The following RIMS4 variants were observed in gnomAD, a reference collection of about 807,000 sequenced individuals.
The protein encoded by RIMS4 is regulating synaptic membrane exocytosis protein 4.
A neutral mutation model predicts 29.0 loss-of-function variants in RIMS4; 9 were observed. That is an observed-to-expected ratio of 0.31 (90% CI 0.19 to 0.54). RIMS4 has a LOEUF of 0.54. Ranked by LOEUF, RIMS4 falls within the 20% of genes least tolerant of loss-of-function variation. The pLI is 0.94. For synonymous variants in RIMS4, 130 were observed against 152.9 expected (o/e 0.85, Z 1.10); for missense variants, 193 against 365.7 (o/e 0.53, Z 3.85).
At chr20:44,785,208 T>C (rs1295770053) in intron 1 of RIMS4, among the ~76,000 whole-genome samples, 1 of 151,984 alleles carries the variant, frequency 6.6e-6, no homozygotes, top group Non-Finnish European at 1.5e-5. Flanking sequence ...CTGCAATCCC[T>C]GGATTAAAAG....
In RIMS4 at chr20:44,752,439, C is replaced by T. The variant is rs1255094675; in HGVS notation, c.*3695G>A. On this transcript the variant is annotated 3_prime_UTR_variant, in exon 6 of 6. Coordinates refer to ENST00000372851, the MANE Select transcript of RIMS4 (RefSeq NM_182970.4). ...AAGTACATAACCACCCCCTAAGCCA[C>T]CTGCTCCACCTCTGGGTGTAAAAGA... 3.3e-5 allele frequency: 5 copies of T among 152,280 alleles called. No individual in the cohort carries two copies. Among genetic ancestry groups the T allele is most frequent in the Non-Finnish European group, 7.3e-5 (5 of 68,108 alleles). 9.4% of individuals were successfully genotyped at this position (152,280 alleles called of 1,614,324 possible).
Position 44,754,803 on chromosome 20 carries a change from G to A in RIMS4, c.*1331C>T, listed in dbSNP as rs1200690853. 1 of 152,656 alleles carries A rather than the reference G, an allele frequency of 6.6e-6. No individual in the cohort carries two copies. The highest frequency in any genetic ancestry group is 1.5e-5 in the Non-Finnish European group (1 of 68,100). 9.5% of individuals were successfully genotyped at this position (152,656 alleles called of 1,614,324 possible). ...GGGCTTGGAGCACTAACTCTACCTA[G>A]CTAACCTGGACTACGCCCTACACAG... On this transcript the variant is annotated 3_prime_UTR_variant, in exon 6 of 6. Coordinates refer to ENST00000372851, the MANE Select transcript of RIMS4 (RefSeq NM_182970.4).
chr20:44,772,967 T>G (rs967900077), intron 1 of RIMS4, among the ~76,000 whole-genome samples: 8 of 152,084 alleles, frequency 5.3e-5, no homozygotes, highest in South Asian at 2.1e-4. Flanking sequence ...CACACACACA[T>G]GCATGCGTAG....
intron 2 of RIMS4, among the ~76,000 whole-genome samples, chr20:44,761,619 T>C (rs2066085496): frequency 6.6e-6 from 1 of 152,194 alleles, no homozygotes; most frequent in South Asian, 2.1e-4. Context: ...GTAGCAGGCT[T>C]GATGACGCAT....
At chr20:44,761,821 T>C (rs969772592) in intron 2 of RIMS4, among the ~76,000 whole-genome samples, 2 of 152,316 alleles carry the variant, frequency 1.3e-5, no homozygotes, top group Middle Eastern at 3.4e-3. Context: ...TCTATTATCT[T>C]AACAATTATG....
At chr20:44,789,463 A>AT (rs1390752166) in intron 1 of RIMS4, among the ~76,000 whole-genome samples, 1 of 151,880 alleles carries the variant, frequency 6.6e-6, no homozygotes, top group African/African-American at 2.4e-5. Flanking sequence ...CACCCGGCTA[A>AT]TTTTTTGTAT....
intron 1 of RIMS4, among the ~76,000 whole-genome samples, chr20:44,783,519 G>A (rs1291966002): frequency 6.6e-6 from 1 of 152,034 alleles, no homozygotes; most frequent in Non-Finnish European, 1.5e-5. Flanking sequence ...AGCTACTCAG[G>A]AGGCTGAGGC....
At chr20:44,787,284 A>G (rs113004636) in intron 1 of RIMS4, among the ~76,000 whole-genome samples, 48 of 152,270 alleles carry the variant, frequency 3.2e-4, no homozygotes, top group African/African-American at 1.1e-3. Flanking sequence ...AAGCTGGCAT[A>G]CAATTGATGG....
At chr20:44,809,275 C>T (rs1182705065) in intron 1 of RIMS4, among the ~76,000 whole-genome samples, 1 of 152,158 alleles carries the variant, frequency 6.6e-6, no homozygotes, top group Non-Finnish European at 1.5e-5. Context: ...GCTACCCCAC[C>T]TGTTGGTGGA....
At chr20:44,796,748 G>A (rs2066256863) in intron 1 of RIMS4, among the ~76,000 whole-genome samples, 1 of 152,196 alleles carries the variant, frequency 6.6e-6, no homozygotes, top group South Asian at 2.1e-4. Flanking sequence ...AGGCATGGAG[G>A]GAGAAAACTC....
chr20:44,757,325 C>A (rs2066064977), intron 4 of RIMS4, among the ~76,000 whole-genome samples: 1 of 151,984 alleles, frequency 6.6e-6, no homozygotes, highest in Admixed American at 6.5e-5. Context: ...GTGCCCACCC[C>A]CTCCCTGGCT....
chr20:44,804,587 A>T (rs1270324925), intron 1 of RIMS4, among the ~76,000 whole-genome samples: 4 of 152,248 alleles, frequency 2.6e-5, no homozygotes, highest in African/African-American at 9.6e-5. Context: ...TCCCTCAGAC[A>T]GACAAGAGGG....
At chr20:44,767,802 T>C (rs2066120254) in intron 2 of RIMS4, among the ~76,000 whole-genome samples, 2 of 152,234 alleles carry the variant, frequency 1.3e-5, no homozygotes, top group Admixed American at 1.3e-4. Flanking sequence ...CAGCACAGTG[T>C]CTGCACATAG....
rs2066136358 is a variant in RIMS4, at chr20:44,771,318, C to T, written c.193G>A (p.Glu65Lys). Reference sequence around the variant, plus strand: ...CTGTTCATGCTGTCCTCAATGGACTCGTGGCTGGCCTGGCGCAGTGTCCGG... The same window carrying T: ...CTGTTCATGCTGTCCTCAATGGACTTGTGGCTGGCCTGGCGCAGTGTCCGG... ...PSRTLRQASH[E>K]SIEDSMNSYG... is the part of the protein sequence containing the mutation. Residue 65 changes from glutamate (E) to lysine (K), a missense_variant, in exon 2 of 6, where the codon GAG (glutamate) becomes AAG (lysine). Glu to Lys is a moderately conservative substitution (Grantham distance 56). Transcript: ENST00000372851. The T allele has an allele frequency of 6.2e-7, 1 of 1,613,954 alleles. No individual in the cohort carries two copies. The highest frequency in any genetic ancestry group is 8.5e-7 in the Non-Finnish European group (1 of 1,179,858).
intron 1 of RIMS4, among the ~76,000 whole-genome samples, chr20:44,804,753 T>C (rs1050856143): frequency 1.1e-4 from 17 of 152,044 alleles, no homozygotes; most frequent in Admixed American, 9.2e-4. Flanking sequence ...ACAAGGTAGA[T>C]GGACCTCTCT....
At chr20:44,768,082 C>T (rs116842503) in intron 2 of RIMS4, among the ~76,000 whole-genome samples, 1,954 of 152,282 alleles carry the variant, frequency 0.013, 17 homozygotes, top group Non-Finnish European at 0.021. Flanking sequence ...ACTGACAGAG[C>T]GACCCAACCC....
At position 44,756,814 on chromosome 20, in the gene RIMS4, G is replaced by C; in HGVS notation, c.591+84C>G. 3 of 1,405,904 alleles carry C rather than the reference G, an allele frequency of 2.1e-6. No individual in the cohort carries two copies. Among genetic ancestry groups the C allele is most frequent in the Non-Finnish European group, 2.8e-6 (3 of 1,054,370 alleles). 87.1% of individuals were successfully genotyped at this position (1,405,904 alleles called of 1,614,324 possible). On this transcript the variant is annotated intron_variant, in intron 5 of 5. Coordinates refer to ENST00000372851, the MANE Select transcript of RIMS4 (RefSeq NM_182970.4). The surrounding 1 kb of genome is among the most constrained non-coding windows in gnomAD (Gnocchi z 5.9). ...GCGAGGCCCTCCAGAGACACCCCCC[G>C]CCAGGGGTGCCCTCCTCTCATTCTG... is the stretch of plus-strand genomic sequence containing the variant.
At chr20:44,791,992 T>C (rs896661689) in intron 1 of RIMS4, among the ~76,000 whole-genome samples, 1 of 152,102 alleles carries the variant, frequency 6.6e-6, no homozygotes, top group Middle Eastern at 3.2e-3. Flanking sequence ...AGGACCCCAG[T>C]GATCTGGGGC....
chr20:44,776,982 G>A (rs2066162931), intron 1 of RIMS4, among the ~76,000 whole-genome samples: 1 of 152,146 alleles, frequency 6.6e-6, no homozygotes, highest in African/African-American at 2.4e-5. Flanking sequence ...GCACCCTAAA[G>A]TAAACTCTCC....
Sources: gnomAD v4.1 joint callset for allele counts (sites outside exome capture counted in the v4.1 genomes callset) on GRCh38, gnomAD v4.1.1 for gene constraint, Gnocchi (gnomAD v3.1) non-coding constraint, MANE v1.5 for transcripts, NCBI Gene and HGNC (gene_info 2026-07-23, HGNC 2026-07-21) for gene names.